The following MAP4K4 variants were observed in gnomAD, a reference collection of about 807,000 sequenced individuals.
The protein encoded by MAP4K4 is mitogen-activated protein kinase kinase kinase kinase 4, also known as HPK/GCK-like kinase HGK.
Under a neutral mutation model 189.6 loss-of-function variants are expected in MAP4K4, and 38 were observed. The ratio of observed to expected loss-of-function variants is 0.20; its 90% CI spans 0.15 to 0.26. The LOEUF (loss-of-function observed/expected upper bound fraction) is 0.26. MAP4K4 is among the 10% of genes least tolerant of loss of function. MAP4K4 has a pLI of 1.00. For missense variants in MAP4K4, 1,054 were observed against 1,726.9 expected (o/e 0.61, Z 6.91); for synonymous variants, 610 against 624.3 (o/e 0.98, Z 0.34).
intron 3 of MAP4K4, among the ~76,000 whole-genome samples, chr2:101,811,375 A>G (rs2095415485): frequency 6.8e-6 from 1 of 146,744 alleles, no homozygotes; most frequent in South Asian, 2.1e-4. Context: ...CGTCTCAAAA[A>G]AAAAAAAAAA....
intron 24 of MAP4K4, among the ~76,000 whole-genome samples, chr2:101,872,150 A>C (rs1052821675): frequency 4.6e-5 from 7 of 151,174 alleles, no homozygotes; most frequent in Admixed American, 2.0e-4. Flanking sequence ...TCTTTCAAAC[A>C]GAACTGATTT....
intron 2 of MAP4K4, among the ~76,000 whole-genome samples, chr2:101,730,939 C>T (rs536843730): frequency 9.9e-5 from 15 of 151,106 alleles, no homozygotes; most frequent in African/African-American, 2.9e-4. Context: ...CCCAACTACT[C>T]GGGAGCCTGC....
chr2:101,888,954 A>T lies in MAP4K4; in HGVS notation c.4071+19A>T, dbSNP rs761304126. On this transcript the variant is annotated intron_variant, in intron 32 of 32. Transcript: ENST00000324219. ...TGACAAGGTAATAGTTCCCTTATGG[A>T]TTCTTTTTAGTTGCTCTATCTTTTA... 49 of 1,598,984 alleles carry T rather than the reference A, an allele frequency of 3.1e-5. No homozygotes were observed. The highest frequency in any genetic ancestry group is 4.0e-5 in the Non-Finnish European group (47 of 1,172,818).
intron 2 of MAP4K4, among the ~76,000 whole-genome samples, chr2:101,730,532 C>T (rs770467741): frequency 3.9e-5 from 6 of 152,104 alleles, no homozygotes; most frequent in African/African-American, 7.2e-5. Context: ...CCTATTGTCC[C>T]GTGGGTCTCT....
At chr2:101,735,356 C>T (rs1286957208) in intron 2 of MAP4K4, among the ~76,000 whole-genome samples, 5 of 152,214 alleles carry the variant, frequency 3.3e-5, no homozygotes, top group Non-Finnish European at 7.3e-5. Context: ...CTGTACTAGA[C>T]AGCTGGAAGT....
intron 3 of MAP4K4, among the ~76,000 whole-genome samples, chr2:101,809,126 C>T (rs1311600734): frequency 6.6e-6 from 1 of 152,156 alleles, no homozygotes; most frequent in Admixed American, 6.5e-5. Context: ...TGTTTAGTCT[C>T]AACTACATAC....
chr2:101,751,441 C>T (rs1367298399), intron 2 of MAP4K4, among the ~76,000 whole-genome samples: 2 of 152,156 alleles, frequency 1.3e-5, no homozygotes, highest in African/African-American at 4.8e-5. Context: ...ATAGCTTAAC[C>T]CCTGGAGTCT....
chr2:101,887,803 C>G (rs757893124), exon 31 of MAP4K4: 5 of 1,611,720 alleles, frequency 3.1e-6, no homozygotes, highest in South Asian at 1.1e-5. Context: ...AAACCCCATG[C>G]AATCATCATC....
At chr2:101,796,292 T>A (rs1187597969) in intron 3 of MAP4K4, among the ~76,000 whole-genome samples, 2 of 152,158 alleles carry the variant, frequency 1.3e-5, no homozygotes, top group African/African-American at 4.8e-5. Context: ...AGCCTCTGGT[T>A]CCATCCCAGA....
chr2:101,837,450 A>C (rs1018747252), intron 9 of MAP4K4, among the ~76,000 whole-genome samples: 1 of 151,966 alleles, frequency 6.6e-6, no homozygotes, highest in African/African-American at 2.4e-5. Flanking sequence ...GTCTTTAACC[A>C]CATTTGTCTC....
intron 13 of MAP4K4, among the ~76,000 whole-genome samples, chr2:101,856,873 A>G (rs914969375): frequency 6.6e-6 from 1 of 152,184 alleles, no homozygotes; most frequent in African/African-American, 2.4e-5. Context: ...AAACTTATAA[A>G]CCATGGTGTT....
chr2:101,795,957 T>A (rs1057178737), intron 3 of MAP4K4, among the ~76,000 whole-genome samples: 1 of 152,216 alleles, frequency 6.6e-6, no homozygotes, highest in Non-Finnish European at 1.5e-5. Context: ...TGAAGTTATT[T>A]TGGCCCTTTG....
intron 12 of MAP4K4, among the ~76,000 whole-genome samples, chr2:101,851,843 T>C (rs1385794198): frequency 6.6e-6 from 1 of 151,320 alleles, no homozygotes; most frequent in African/African-American, 2.4e-5. Flanking sequence ...ACTTTCCACA[T>C]TGTCTTCTAC....
chr2:101,885,098 A>G, intron 28 of MAP4K4, 89 bp from the exon 29 acceptor site: 2 of 566,444 alleles, frequency 3.5e-6, no homozygotes, highest in South Asian at 5.7e-5. Context: ...GCATATTTAT[A>G]AAGTTTGCAG....
exon 18 of MAP4K4, chr2:101,865,026 A>C: frequency 6.4e-7 from 1 of 1,562,440 alleles, no homozygotes; most frequent in Non-Finnish European, 8.7e-7. Flanking sequence ...AGGACAGAGA[A>C]ACTCCACCAG....
chr2:101,882,453 C>A, intron 27 of MAP4K4, 98 bp from the exon 28 acceptor site: 1 of 916,262 alleles, frequency 1.1e-6, no homozygotes, highest in Non-Finnish European at 1.5e-6. Context: ...GGTTTAAGTG[C>A]TGGCCTTAAG....
chr2:101,829,007 G>A (rs1313881378), intron 5 of MAP4K4, among the ~76,000 whole-genome samples: 7 of 152,180 alleles, frequency 4.6e-5, no homozygotes, highest in Admixed American at 4.6e-4. Context: ...GCTTGGGATG[G>A]AGGTGGGATT....
At chr2:101,765,204 G>A (rs938655772) in intron 2 of MAP4K4, among the ~76,000 whole-genome samples, 5 of 152,074 alleles carry the variant, frequency 3.3e-5, no homozygotes, top group African/African-American at 1.2e-4. Flanking sequence ...AAAAAAGTAT[G>A]TAGGGAGGAA....
At chr2:101,723,624 G>A (rs1041860757) in intron 2 of MAP4K4, among the ~76,000 whole-genome samples, 2 of 152,160 alleles carry the variant, frequency 1.3e-5, no homozygotes, top group African/African-American at 4.8e-5. Flanking sequence ...TAAGTCTAGA[G>A]TTTTCACATT....
Sources: gnomAD v4.1 joint callset for allele counts (sites outside exome capture counted in the v4.1 genomes callset) on GRCh38, gnomAD v4.1.1 for gene constraint, MANE v1.5 for transcripts, NCBI Gene and HGNC (gene_info 2026-07-23, HGNC 2026-07-21) for gene names.